SORBS3: variants seen among roughly 807,000 people sequenced by gnomAD.
SORBS3 encodes the protein vinexin.
In SORBS3, 69 loss-of-function variants were observed where a neutral mutation model predicts 98.0. The ratio of observed to expected loss-of-function variants is 0.70; its 90% CI spans 0.58 to 0.86. The LOEUF (loss-of-function observed/expected upper bound fraction) is 0.86, where lower values mean the gene tolerates loss of function less well. Among genes scored for constraint, SORBS3 ranks in the 40% least tolerant of loss-of-function variants. The probability of loss-of-function intolerance (pLI) is 0.00; values close to 1 mark genes in which losing one functional copy is unlikely to be tolerated. For synonymous variants in SORBS3, 394 were observed against 355.4 expected, an observed-to-expected ratio of 1.11 and a Z score of -1.22; for missense variants, 954 against 908.5, an observed-to-expected ratio of 1.05 and a Z score of -0.64.
At chr8:22,562,059 C>G in intron 7 of SORBS3, 128 bp downstream of exon 7, 2 of 804,160 alleles carry the variant, frequency 2.5e-6, no homozygotes, top group Non-Finnish European at 4.2e-6. Context: ...GGTCTCACTT[C>G]CGTGTCCGTC....
At chr8:22,564,109 C>A in intron 8 of SORBS3, 32 bp downstream of exon 8, 1 of 1,597,228 alleles carries the variant, frequency 6.3e-7, no homozygotes, top group Non-Finnish European at 8.6e-7. Flanking sequence ...CTGGTCAGCC[C>A]CAGCTGTATG....
chr8:22,568,633 T>C (rs1017221896), intron 16 of SORBS3, among the ~76,000 whole-genome samples: 3 of 152,340 alleles, frequency 2.0e-5, no homozygotes, highest in African/African-American at 7.2e-5. Flanking sequence ...TGAAATGGTT[T>C]ATTGGCTGCT....
intron 1 of SORBS3, among the ~76,000 whole-genome samples, chr8:22,552,893 A>G (rs1364914977): frequency 6.6e-6 from 1 of 151,782 alleles, no homozygotes; most frequent in African/African-American, 2.4e-5. Context: ...TCCTAATTGG[A>G]CCCAGCTGGG....
At chr8:22,560,395 C>A (rs977887049) in intron 5 of SORBS3, among the ~76,000 whole-genome samples, 2 of 152,090 alleles carry the variant, frequency 1.3e-5, no homozygotes, top group Non-Finnish European at 2.9e-5. Flanking sequence ...TGAGCCCCCA[C>A]GCACCTGGAT....
Position 22,546,001 on chromosome 8 carries a change from T to C in SORBS3, n.144+872T>C, listed in dbSNP as rs1031540419. Reference sequence around the variant, plus strand: ...CAGTATTCCTTCCTAAATGGTGAGGTGGTCAAGACGTCAGACCAGTTGGTG... The same window carrying C: ...CAGTATTCCTTCCTAAATGGTGAGGCGGTCAAGACGTCAGACCAGTTGGTG... On this transcript the variant is annotated intron_variant and non_coding_transcript_variant, in intron 1 of 4. Coordinates refer to the SORBS3 transcript ENST00000522037. Among the ~76,000 whole-genome samples the C allele has an allele frequency of 2.0e-5, 3 of 152,280 alleles. 1 individual carries two copies. The highest frequency in any genetic ancestry group is 2.0e-4 in the Admixed American group (3 of 15,298).
chr8:22,554,318 T>A lies in SORBS3; in HGVS notation c.-55-134T>A. 1 of 919,092 alleles carries A rather than the reference T, an allele frequency of 1.1e-6. No homozygotes were observed. The highest frequency in any genetic ancestry group is 1.5e-6 in the Non-Finnish European group (1 of 647,530). The allele number at this position is 919,092 out of a possible 1,614,324, so 56.9% of individuals were successfully genotyped here. On this transcript the variant is annotated intron_variant, in intron 1 of 20. Transcript: ENST00000240123. The surrounding 1 kb of genome is among the most constrained non-coding windows in gnomAD (Gnocchi z 6.5). ...TGCCTGGCGTGGCCTGTTTCCTGGG[T>A]CCTTGAGCTAGTACCCAGCTGGTCC...
intron 3 of SORBS3, among the ~76,000 whole-genome samples, chr8:22,556,166 G>A (rs953071839): frequency 6.6e-6 from 1 of 152,204 alleles, no homozygotes; most frequent in African/African-American, 2.4e-5. Flanking sequence ...CCATGTCTGG[G>A]GAATGGGTTT....
chr8:22,567,066 T>A lies in SORBS3; in HGVS notation c.1196T>A (p.Leu399Gln), dbSNP rs1481386259. 1 of 1,612,140 alleles carries A rather than the reference T, an allele frequency of 6.2e-7. No homozygotes were observed. The highest frequency in any genetic ancestry group is 2.2e-5 in the East Asian group (1 of 44,884). Residue 399 changes from leucine (L) to glutamine (Q), a missense_variant, in exon 16 of 21, where the codon CTG (leucine) becomes CAG (glutamine). By Grantham distance (113) the Leu-to-Gln change is moderately radical (BLOSUM62 -2). Coordinates refer to ENST00000240123, the MANE Select transcript of SORBS3 (RefSeq NM_005775.5). ...FDFQAQSPKE[L>Q]TLQKGDIVYI... ...GTCCTCGTCCCCACCTGCAGGGAGC[T>A]GACTCTGCAGAAGGGTGACATTGTC...
In SORBS3 at chr8:22,571,714, C is replaced by G. The variant is rs759053804; in HGVS notation, c.1744-4C>G. On this transcript the variant is annotated splice_region_variant and splice_polypyrimidine_tract_variant and intron_variant, in intron 18 of 20. Coordinates refer to ENST00000240123, the MANE Select transcript of SORBS3 (RefSeq NM_005775.5). The stretch of plus-strand genomic sequence containing the variant: ...GACATCCCTTTCTTCCTGTCAACTC[C>G]CAGAATCTTGGCACCCCTGGTCCAG... 17 of 1,611,710 alleles carry G rather than the reference C, an allele frequency of 1.1e-5. No homozygotes were observed. The highest frequency in any genetic ancestry group is 7.6e-6 in the Non-Finnish European group (9 of 1,178,032).
At chr8:22,556,318 G>A (rs2117222485) in intron 3 of SORBS3, among the ~76,000 whole-genome samples, 1 of 152,334 alleles carries the variant, frequency 6.6e-6, no homozygotes, top group Middle Eastern at 3.4e-3. Flanking sequence ...GGTGACTGAT[G>A]TACCCCAGGC....
At chr8:22,564,758 G>A in intron 10 of SORBS3, 1 of 1,407,116 alleles carries the variant, frequency 7.1e-7, no homozygotes, top group Non-Finnish European at 9.2e-7. Context: ...GGAGTGGTCA[G>A]TGCGCACTGG....
upstream of SORBS3, among the ~76,000 whole-genome samples, chr8:22,548,366 T>G (rs1343386305): frequency 6.7e-6 from 1 of 148,368 alleles, no homozygotes; most frequent in Admixed American, 6.6e-5. Context: ...GCATGAAACA[T>G]AGTCCAGATT....
Position 22,564,165 on chromosome 8 carries a change from C to T in SORBS3, c.675+88C>T. ...GCCACGATGTCCTTTCAGCTTGAAT[C>T]CCTTGGAGGACACCGTGGGCCCAGG... On this transcript the variant is annotated intron_variant, in intron 8 of 20. Transcript: ENST00000240123. 2.0e-6 allele frequency: 3 copies of T among 1,502,290 alleles called. No homozygotes were observed. The South Asian group carries it at 3.4e-5, about 17-fold the overall frequency. 93.1% of individuals were successfully genotyped at this position (1,502,290 alleles called of 1,614,324 possible). A position where few individuals can be genotyped will look rare whatever the true frequency, so the allele number is the denominator to read the frequency against.
rs1173265146 is a variant in SORBS3 at position 22,567,095 on chromosome 8, A to C, written c.1225A>C (p.Ile409Leu). The change falls in exon 16 of 21, where the codon ATC becomes CTC. Residue 409 changes from isoleucine (I) to leucine (L), a missense_variant. Ile to Leu is a conservative substitution (Grantham distance 5). Transcript: ENST00000240123. ...TCTGCAGAAGGGTGACATTGTCTACATCCACAAGGAGGTGGACAAGAACTG... is the reference window on the plus strand; with the variant it reads ...TCTGCAGAAGGGTGACATTGTCTACCTCCACAAGGAGGTGGACAAGAACTG... ...LTLQKGDIVYIHKEVDKNWLE... is the reference protein window; with the variant it reads ...LTLQKGDIVYLHKEVDKNWLE... 6.2e-7 allele frequency: 1 copy of C among 1,613,728 alleles called. No individual in the cohort carries two copies. Among genetic ancestry groups the C allele is most frequent in the East Asian group, 2.2e-5 (1 of 44,882 alleles).
chr8:22,572,566 C>T (rs765877005), intron 20 of SORBS3, 120 bp downstream of exon 20: 29 of 804,944 alleles, frequency 3.6e-5, no homozygotes, highest in South Asian at 1.9e-4. Context: ...ACTCAGCTTC[C>T]GGCCGGGCTA....
upstream of SORBS3, chr8:22,551,911 C>A: frequency 1.0e-6 from 1 of 985,322 alleles, no homozygotes; most frequent in Non-Finnish European, 1.2e-6. The surrounding 1 kb of genome is among the most constrained non-coding windows in gnomAD (Gnocchi z 5.8). Flanking sequence ...CGCGACGGCC[C>A]GCGCTTCTCC....
intron 5 of SORBS3, 33 bp from the exon 6 acceptor site, chr8:22,561,302 C>A (rs1301914606): frequency 1.3e-6 from 2 of 1,560,244 alleles, no homozygotes; most frequent in Non-Finnish European, 1.7e-6. Context: ...CTTTCTGCCC[C>A]GTCCCATGAC....
In SORBS3 at chr8:22,571,195, A is replaced by G. The variant is rs1047030; in HGVS notation, c.1717A>G (p.Thr573Ala). ...SPRRTGFSFP[T>A]QEPRPQTQNL... ...CCGTCGCACTGGCTTCTCCTTCCCC[A>G]CCCAGGAGCCTAGACCCCAGACCCA... The change falls in exon 18 of 21, where the codon ACC (threonine) becomes GCC (alanine). Residue 573 changes from threonine to alanine, a missense_variant. Transcript: ENST00000240123. 290,652 of 1,557,854 alleles carry G rather than the reference A, an allele frequency of 0.19. 29,097 individuals are homozygous for G. The highest frequency in any genetic ancestry group is 0.25 in the South Asian group (21,405 of 86,810).
upstream of SORBS3, among the ~76,000 whole-genome samples, chr8:22,551,427 C>A (rs1029062668): frequency 1.3e-5 from 2 of 152,116 alleles, no homozygotes; most frequent in African/African-American, 4.8e-5. The surrounding 1 kb of genome is among the most constrained non-coding windows in gnomAD (Gnocchi z 5.8). Flanking sequence ...ACTCCTGCCC[C>A]CTTGTCCTGG....
Sources: gnomAD v4.1 joint callset for allele counts (sites outside exome capture counted in the v4.1 genomes callset) on GRCh38, gnomAD v4.1.1 for gene constraint, Gnocchi (gnomAD v3.1) non-coding constraint, MANE v1.5 for transcripts, NCBI Gene and HGNC (gene_info 2026-07-23, HGNC 2026-07-21) for gene names.